The following PCSK5 variants were observed in gnomAD, a reference collection of about 807,000 sequenced individuals.
The protein encoded by PCSK5 is proprotein convertase subtilisin/kexin type 5, also known as prohormone convertase 5.
A neutral mutation model predicts 233.2 loss-of-function variants in PCSK5; 129 were observed. The observed-to-expected ratio is 0.55, with a 90% CI of 0.48 to 0.64. PCSK5 has a LOEUF of 0.64. Ranked by LOEUF, PCSK5 falls within the 30% of genes least tolerant of loss-of-function variation. The pLI is 0.00. For missense variants in PCSK5, 2,076 were observed against 2,430.1 expected (o/e 0.85, Z 3.06); for synonymous variants, 825 against 879.2 (o/e 0.94, Z 1.09).
chr9:76,175,292 G>GAATAC (rs1823551433), intron 14 of PCSK5, 163 bp downstream of exon 14: 3 of 357,744 alleles, frequency 8.4e-6, no homozygotes, highest in Non-Finnish European at 1.5e-5. Context: ...GAATCGAATC[G>GAATAC]AATAGAATAG....
intron 14 of PCSK5, chr9:76,175,648 G>T (rs1012697991): frequency 3.2e-5 from 5 of 156,858 alleles, no homozygotes. Context: ...CAGCTTTAGG[G>T]CTTGGAAACA....
intron 24 of PCSK5, among the ~76,000 whole-genome samples, chr9:76,258,869 A>C (rs1827066020): frequency 6.6e-6 from 1 of 152,154 alleles, no homozygotes; most frequent in Non-Finnish European, 1.5e-5. Flanking sequence ...CGAACCATGA[A>C]GTCAGTAACA....
intron 20 of PCSK5, among the ~76,000 whole-genome samples, chr9:76,220,526 CAAAAAA>C (rs57063521): frequency 9.9e-6 from 1 of 100,548 alleles, no homozygotes; most frequent in East Asian, 2.9e-4. Flanking sequence ...GACTCTGTCT[CAAAAAA>C]AAAAAAAAAA....
At chr9:76,122,251 T>G (rs576108799) in intron 9 of PCSK5, among the ~76,000 whole-genome samples, 137 of 140,106 alleles carry the variant, frequency 9.8e-4, no homozygotes, top group Non-Finnish European at 1.7e-3. Context: ...TTTTCTGTTT[T>G]TCTTTCTTTC....
chr9:76,328,975 A>ATTTTTTTTTTTTTT (rs59466685), intron 33 of PCSK5, among the ~76,000 whole-genome samples: 5 of 123,726 alleles, frequency 4.0e-5, no homozygotes, highest in Non-Finnish European at 1.6e-5. Context: ...CTCCCGGCTA[A>ATTTTTTTTTTTTTT]TTTTTTTTTT....
chr9:76,045,757 C>T (rs1292404493), intron 5 of PCSK5, among the ~76,000 whole-genome samples: 2 of 152,084 alleles, frequency 1.3e-5, no homozygotes, highest in African/African-American at 4.8e-5. Context: ...GGTTCTCTAC[C>T]TGCTATCCCT....
chr9:75,994,608 G>C (rs1268835107), intron 3 of PCSK5, among the ~76,000 whole-genome samples: 7 of 151,574 alleles, frequency 4.6e-5, no homozygotes, highest in Non-Finnish European at 4.4e-5. Context: ...ATTTTTAGTA[G>C]AGACGGGGTG....
intron 24 of PCSK5, among the ~76,000 whole-genome samples, chr9:76,260,445 C>A (rs1026470994): frequency 2.6e-5 from 4 of 152,208 alleles, no homozygotes; most frequent in African/African-American, 7.2e-5. Context: ...GAGAACCTTT[C>A]CAGCTGCAGT....
chr9:75,912,923 T>A (rs1232579845), intron 1 of PCSK5, among the ~76,000 whole-genome samples: 1 of 152,246 alleles, frequency 6.6e-6, no homozygotes. Flanking sequence ...CTTTCTAGAA[T>A]GAACCTGCTC....
At chr9:75,924,869 A>G (rs1179109313) in intron 1 of PCSK5, among the ~76,000 whole-genome samples, 4 of 152,098 alleles carry the variant, frequency 2.6e-5, no homozygotes, top group African/African-American at 7.2e-5. Flanking sequence ...CCCACCATCA[A>G]CCTTAGCTTC....
At chr9:76,089,302 G>T (rs931434405) in intron 7 of PCSK5, among the ~76,000 whole-genome samples, 2 of 152,090 alleles carry the variant, frequency 1.3e-5, no homozygotes, top group Admixed American at 1.3e-4. Flanking sequence ...TTGAGGCGGT[G>T]CTTGCGAGAC....
chr9:76,027,541 G>A (rs1463127519), intron 5 of PCSK5, among the ~76,000 whole-genome samples: 1 of 151,900 alleles, frequency 6.6e-6, no homozygotes, highest in East Asian at 1.9e-4. Context: ...ACTGAAGAAG[G>A]CATTACCTTT....
At chr9:76,112,615 A>G (rs1832269138) in intron 9 of PCSK5, among the ~76,000 whole-genome samples, 2 of 152,256 alleles carry the variant, frequency 1.3e-5, no homozygotes, top group South Asian at 2.1e-4. Context: ...ATTATATCTT[A>G]TCTTTATTTA....
At chr9:75,932,336 A>T in intron 1 of PCSK5, 43 bp from the exon 2 acceptor site, 1 of 1,186,614 alleles carries the variant, frequency 8.4e-7, no homozygotes, top group Non-Finnish European at 1.2e-6. Context: ...TTCACACATT[A>T]ATGTCTTTTT....
intron 30 of PCSK5, among the ~76,000 whole-genome samples, chr9:76,321,066 G>A (rs1431702995): frequency 4.0e-5 from 6 of 150,476 alleles, no homozygotes; most frequent in Admixed American, 6.6e-5. Flanking sequence ...TGCCCACCTC[G>A]GCCTCCCAAA....
intron 7 of PCSK5, among the ~76,000 whole-genome samples, chr9:76,095,360 C>T (rs1242994065): frequency 6.6e-6 from 1 of 152,156 alleles, no homozygotes; most frequent in African/African-American, 2.4e-5. Context: ...TAATAGCACC[C>T]AATTCATGGC....
intron 8 of PCSK5, among the ~76,000 whole-genome samples, chr9:76,105,867 A>G (rs1056825153): frequency 6.6e-6 from 1 of 152,196 alleles, no homozygotes; most frequent in African/African-American, 2.4e-5. Context: ...GATAGTAAGA[A>G]CTTATGGTCT....
intron 1 of PCSK5, among the ~76,000 whole-genome samples, chr9:75,899,900 A>C (rs1825952116): frequency 6.6e-6 from 1 of 152,190 alleles, no homozygotes; most frequent in South Asian, 2.1e-4. Flanking sequence ...CACCAGAAGA[A>C]AGGGTGCCTC....
chr9:76,158,992 C>T lies in PCSK5; in HGVS notation c.1440C>T (p.Arg480=), dbSNP rs780610957. The T allele has an allele frequency of 6.2e-7, 1 of 1,613,876 alleles. No homozygotes were observed. The highest frequency in any genetic ancestry group is 1.1e-5 in the South Asian group (1 of 91,054). ...ESTDRQIKTI[R]PNSAVRSIYK... ...TCTCTCTCTGTTACAGGACAATCCGCCCTAACAGTGCAGTGCGCTCCATCT... is the reference window on the plus strand; with the variant it reads ...TCTCTCTCTGTTACAGGACAATCCGTCCTAACAGTGCAGTGCGCTCCATCT... Residue 480 remains arginine (R), a synonymous_variant, in exon 12 of 38, where the codon CGC becomes CGT. Transcript: ENST00000674117.
Sources: allele counts gnomAD v4.1 joint callset (sites outside exome capture counted in the v4.1 genomes callset), GRCh38; gene constraint gnomAD v4.1.1; transcripts MANE v1.5; gene names NCBI Gene and HGNC (gene_info 2026-07-23, HGNC 2026-07-21).